The following GDAP1L1 variants were observed in gnomAD, a reference collection of about 807,000 sequenced individuals.
GDAP1L1 encodes the protein ganglioside-induced differentiation-associated protein 1-like 1.
In GDAP1L1, 21 loss-of-function variants were observed where a neutral mutation model predicts 37.1. That is an observed-to-expected ratio of 0.57 (90% CI 0.40 to 0.81). The LOEUF is 0.81. Among genes scored for constraint, GDAP1L1 ranks in the 40% least tolerant of loss-of-function variants. The pLI, the probability that GDAP1L1 is intolerant of heterozygous loss-of-function variation, is 0.00. For synonymous variants in GDAP1L1, 193 were observed against 209.1 expected (o/e 0.92, Z 0.67); for missense variants, 362 against 491.6 (o/e 0.74, Z 2.49).
chr20:44,268,238 G>C (rs1233469789), intron 5 of GDAP1L1, among the ~76,000 whole-genome samples: 1 of 152,352 alleles, frequency 6.6e-6, no homozygotes, highest in Non-Finnish European at 1.5e-5. Context: ...TGACCTTGTG[G>C]AACTCACTTC....
At chr20:44,265,435 T>C in intron 5 of GDAP1L1, 1 of 985,428 alleles carries the variant, frequency 1.0e-6, no homozygotes, top group South Asian at 4.7e-5. Context: ...ACAATGCAAA[T>C]TTATGGTGCA....
intron 1 of GDAP1L1, among the ~76,000 whole-genome samples, chr20:44,254,414 A>G (rs1018612051): frequency 5.3e-5 from 8 of 152,158 alleles, no homozygotes; most frequent in Non-Finnish European, 1.2e-4. Context: ...CACTCTCTGC[A>G]ACAGTTTTTC....
chr20:44,252,284 G>T (rs2073459653), intron 1 of GDAP1L1, among the ~76,000 whole-genome samples: 1 of 152,164 alleles, frequency 6.6e-6, no homozygotes, highest in Non-Finnish European at 1.5e-5. Flanking sequence ...GGCCAAGGTG[G>T]GTGGATCACC....
At chr20:44,275,155 AAAGT>A (rs1308512974) in intron 5 of GDAP1L1, among the ~76,000 whole-genome samples, 1 of 152,102 alleles carries the variant, frequency 6.6e-6, no homozygotes, top group Non-Finnish European at 1.5e-5. Flanking sequence ...TTAGCCTCCT[AAAGT>A]AAGGGAGAGA....
In GDAP1L1 at chr20:44,257,168, G is replaced by A. The variant is rs778357876; in HGVS notation, c.196G>A (p.Ala66Thr). The change falls in exon 2 of 6, where the codon GCC becomes ACC. Residue 66 changes from alanine (A) to threonine (T), a missense_variant. By Grantham distance (58) the Ala-to-Thr change is moderately conservative. This residue lies in a region of GDAP1L1 where 277 missense variants were observed against 337.1 expected (regional missense o/e 0.82). Coordinates refer to ENST00000342560, the MANE Select transcript of GDAP1L1 (RefSeq NM_024034.6). ...FSSQKVRLVI[A>T]EKGLVCEERD... is the part of the protein sequence containing the mutation. ...GCGCCTGCAGGTGCGGCTGGTGATC[G>A]CCGAGAAGGGCCTGGTGTGCGAGGA... 8 of 1,594,372 alleles carry A rather than the reference G, an allele frequency of 5.0e-6. No individual in the cohort carries two copies. Among genetic ancestry groups the A allele is most frequent in the South Asian group, 1.1e-5 (1 of 88,898 alleles).
At position 44,278,973 on chromosome 20, in the gene GDAP1L1, G is replaced by A. The variant is rs373913031; in HGVS notation, c.777G>A (p.Leu259=). 1.6e-4 allele frequency: 261 copies of A among 1,612,410 alleles called. 2 individuals carry two copies. Among genetic ancestry groups the A allele is most frequent in the Middle Eastern group, 6.6e-4 (4 of 6,030 alleles). ...CCACTCTAGGGCAGAAATGCGAGCT[G>A]TGGCTCTGTGGCTGTGCCTTCACCC... The part of the protein sequence containing the change: ...KLENEGQKCE[L]WLCGCAFTLA... The change falls in exon 6 of 6, where the codon CTG becomes CTA. Residue 259 remains leucine (L), a synonymous_variant. Transcript: ENST00000342560.
intron 5 of GDAP1L1, among the ~76,000 whole-genome samples, chr20:44,269,615 G>T (rs890048831): frequency 6.6e-6 from 1 of 152,088 alleles, no homozygotes; most frequent in Non-Finnish European, 1.5e-5. Flanking sequence ...CATGAGGGTT[G>T]GGAGTGAGGT....
intron 1 of GDAP1L1, among the ~76,000 whole-genome samples, chr20:44,254,776 T>C (rs1351673898): frequency 1.3e-5 from 2 of 152,146 alleles, no homozygotes; most frequent in East Asian, 3.9e-4. Flanking sequence ...GAATGTTGGG[T>C]GTTTCAGGGC....
At chr20:44,255,939 T>C (rs2145998543) in intron 1 of GDAP1L1, among the ~76,000 whole-genome samples, 1 of 152,292 alleles carries the variant, frequency 6.6e-6, no homozygotes, top group East Asian at 1.9e-4. Context: ...CTTAGAAATA[T>C]TGGGCTGGGT....
chr20:44,269,527 C>G (rs2062490788), intron 5 of GDAP1L1, among the ~76,000 whole-genome samples: 1 of 152,080 alleles, frequency 6.6e-6, no homozygotes, highest in South Asian at 2.1e-4. Flanking sequence ...TTGGCGTGGA[C>G]TGAGATGGTT....
chr20:44,280,115 G>C lies in GDAP1L1; in HGVS notation c.*815G>C. On this transcript the variant is annotated 3_prime_UTR_variant, in exon 6 of 6. Coordinates refer to ENST00000342560, the MANE Select transcript of GDAP1L1 (RefSeq NM_024034.6). ...CAAGTGCAGGGGCGGATCTGGAGGT[G>C]GACAAACCTAGGTCCCCCTCCTAGC... 6.9e-6 allele frequency: 2 copies of C among 289,152 alleles called. No homozygotes were observed. The highest frequency in any genetic ancestry group is 1.4e-5 in the Non-Finnish European group (2 of 147,344). 17.9% of individuals were successfully genotyped at this position (289,152 alleles called of 1,614,324 possible). A position where few individuals can be genotyped will look rare whatever the true frequency, so the allele number is the denominator to read the frequency against.
At chr20:44,271,412 C>T (rs1600560016) in intron 5 of GDAP1L1, among the ~76,000 whole-genome samples, 1 of 152,116 alleles carries the variant, frequency 6.6e-6, no homozygotes, top group East Asian at 1.9e-4. Flanking sequence ...TTTAAGGAGA[C>T]AGAATGGTGT....
intron 1 of GDAP1L1, among the ~76,000 whole-genome samples, chr20:44,255,522 A>G (rs1332434381): frequency 2.1e-5 from 3 of 141,412 alleles, no homozygotes; most frequent in African/African-American, 8.1e-5. Context: ...AGCCTGAGCA[A>G]CAGAGCGAGA....
At chr20:44,256,290 G>C (rs1044273745) in intron 1 of GDAP1L1, among the ~76,000 whole-genome samples, 1 of 152,148 alleles carries the variant, frequency 6.6e-6, no homozygotes, top group Non-Finnish European at 1.5e-5. Context: ...GGGAAATAAA[G>C]GGCTCGACTA....
intron 5 of GDAP1L1, among the ~76,000 whole-genome samples, chr20:44,265,963 T>C (rs2073755363): frequency 6.6e-6 from 1 of 152,138 alleles, no homozygotes; most frequent in Non-Finnish European, 1.5e-5. Context: ...AAATCATTTC[T>C]GGAAACAAAG....
rs2062624502 is a variant in GDAP1L1, at chr20:44,279,933, T to A, written c.*633T>A. The A allele has an allele frequency of 2.7e-6, 1 of 372,152 alleles. No individual in the cohort carries two copies. Among genetic ancestry groups the A allele is most frequent in the Non-Finnish European group, 5.3e-6 (1 of 187,948 alleles). 23.1% of individuals were successfully genotyped at this position (372,152 alleles called of 1,614,324 possible). A position where few individuals can be genotyped will look rare whatever the true frequency, so the allele number is the denominator to read the frequency against. ...GGATACCATGAGCACACCCTCTCAT[T>A]GTCCTTCTGATTTGGTCCATGTGTT... On this transcript the variant is annotated 3_prime_UTR_variant, in exon 6 of 6. Transcript: ENST00000342560.
intron 2 of GDAP1L1, among the ~76,000 whole-genome samples, chr20:44,257,858 C>G (rs945138884): frequency 2.0e-5 from 3 of 152,088 alleles, no homozygotes; most frequent in African/African-American, 7.2e-5. Context: ...CCCAGACACC[C>G]CAGAACCCTG....
At chr20:44,258,183 G>T in intron 2 of GDAP1L1, 1 of 717,652 alleles carries the variant, frequency 1.4e-6, no homozygotes, top group Non-Finnish European at 2.6e-6. Context: ...GCAACACTGG[G>T]TCTAGGACCC....
At chr20:44,273,206 C>A (rs2062538368) in intron 5 of GDAP1L1, among the ~76,000 whole-genome samples, 1 of 152,218 alleles carries the variant, frequency 6.6e-6, no homozygotes, top group Non-Finnish European at 1.5e-5. Context: ...TCGATTGCCT[C>A]ATCTGTAAAG....
Sources: allele counts gnomAD v4.1 joint callset (sites outside exome capture counted in the v4.1 genomes callset), GRCh38; gene constraint gnomAD v4.1.1; regional missense constraint gnomAD v4.1.1; transcripts MANE v1.5; gene names NCBI Gene and HGNC (gene_info 2026-07-23, HGNC 2026-07-21).